The following BCKDHB variants were observed in gnomAD, a reference collection of about 807,000 sequenced individuals.
The protein encoded by BCKDHB is 2-oxoisovalerate dehydrogenase subunit beta, mitochondrial.
In BCKDHB, 41 loss-of-function variants were observed where a neutral mutation model predicts 48.5. That is an observed-to-expected ratio of 0.85 (90% CI 0.66 to 1.10). The LOEUF (loss-of-function observed/expected upper bound fraction) is 1.10. Ranked by LOEUF, BCKDHB falls within the 50% of genes least tolerant of loss-of-function variation. The pLI is 0.00. For synonymous variants in BCKDHB, 201 were observed against 174.8 expected, an observed-to-expected ratio of 1.15 and a Z score of -1.18; for missense variants, 496 against 494.2, an observed-to-expected ratio of 1.00 and a Z score of -0.03.
At position 80,240,104 on chromosome 6, in the gene BCKDHB, A is replaced by G. The variant is rs537579007; in HGVS notation, c.952-33031A>G. ...AATGTGGGCTCTTTTTTGGTTCCAT[A>G]TGAAGTTTAAAGTAGATTTTTTCCA... On this transcript the variant is annotated intron_variant, in intron 8 of 9. Coordinates refer to ENST00000320393, the MANE Select transcript of BCKDHB (RefSeq NM_183050.4). Among the ~76,000 whole-genome samples, 7 of 152,200 alleles carry G rather than the reference A, an allele frequency of 4.6e-5. No homozygotes were observed. In the South Asian group the frequency reaches 1.5e-3, roughly 32 times the overall value.
chr6:80,421,734 G>A, the BCKDHB span, among the ~76,000 whole-genome samples: 1 of 152,176 alleles, frequency 6.6e-6, no homozygotes, highest in African/African-American at 2.4e-5. Context: ...ACTTGAGAGA[G>A]ATGATTAGGG....
chr6:80,243,995 A>T (rs959308618), intron 8 of BCKDHB, among the ~76,000 whole-genome samples: 8 of 152,252 alleles, frequency 5.3e-5, no homozygotes, highest in Admixed American at 2.0e-4. Flanking sequence ...TAAACTGAAA[A>T]TAAGAAGCCA....
chr6:80,453,596 CT>C, the BCKDHB span, among the ~76,000 whole-genome samples: 1 of 152,140 alleles, frequency 6.6e-6, no homozygotes, highest in African/African-American at 2.4e-5. Flanking sequence ...ATTATGTCCC[CT>C]GTATCTATTT....
chr6:80,258,079 G>A (rs1049805606), intron 8 of BCKDHB, among the ~76,000 whole-genome samples: 47 of 151,860 alleles, frequency 3.1e-4, no homozygotes, highest in Admixed American at 6.6e-5. Flanking sequence ...CTTTAAATAC[G>A]CTGTACTATG....
In BCKDHB at chr6:80,148,490, T is replaced by C. The variant is rs558032198; in HGVS notation, c.344-19188T>C. ...GCTCTGCTGGTTTTACTTTGGGGTT[T>C]CTTTCACTATTGTTCCCATTGCCAC... On this transcript the variant is annotated intron_variant, in intron 3 of 9. Transcript: ENST00000320393. Among the ~76,000 whole-genome samples the C allele has an allele frequency of 5.3e-4, 80 of 152,254 alleles. No homozygotes were observed. In the South Asian group the frequency reaches 0.014, roughly 26 times the overall value.
chr6:80,418,820 G>A, the BCKDHB span, among the ~76,000 whole-genome samples: 39 of 152,178 alleles, frequency 2.6e-4, no homozygotes, highest in Non-Finnish European at 3.4e-4. Context: ...AGTGGGTGCC[G>A]GGGTTCCTGC....
At chr6:80,283,674 T>A (rs1304606068) in intron 9 of BCKDHB, among the ~76,000 whole-genome samples, 1 of 152,154 alleles carries the variant, frequency 6.6e-6, no homozygotes. Context: ...CCTTAAAAGT[T>A]GTAGTTTCCA....
chr6:80,396,410 G>A, the BCKDHB span, among the ~76,000 whole-genome samples: 93 of 152,326 alleles, frequency 6.1e-4, 1 homozygote, highest in African/African-American at 2.2e-3. Context: ...GAGACTTCTT[G>A]CCTTGTCCCA....
At chr6:80,363,110 C>T in the BCKDHB span, among the ~76,000 whole-genome samples, 1 of 152,084 alleles carries the variant, frequency 6.6e-6, no homozygotes, top group Non-Finnish European at 1.5e-5. Context: ...GGTAATTATT[C>T]TCTACCTAAA....
chr6:80,371,867 T>C, the BCKDHB span, among the ~76,000 whole-genome samples: 79,513 of 151,904 alleles, frequency 0.52, 21,279 homozygotes, highest in Non-Finnish European at 0.59. Flanking sequence ...AGTACCATGC[T>C]GTTTTGGTGA....
chr6:80,180,516 T>C (rs1002918264), intron 6 of BCKDHB, among the ~76,000 whole-genome samples: 1 of 152,230 alleles, frequency 6.6e-6, no homozygotes, highest in Non-Finnish European at 1.5e-5. Context: ...ATCAGTGATA[T>C]TGAATTAAAT....
At chr6:80,123,347 A>G (rs922019621) in intron 1 of BCKDHB, among the ~76,000 whole-genome samples, 11 of 152,206 alleles carry the variant, frequency 7.2e-5, no homozygotes, top group Non-Finnish European at 1.0e-4. Flanking sequence ...AAGAAATTAT[A>G]AAAGTATTAT....
intron 6 of BCKDHB, among the ~76,000 whole-genome samples, chr6:80,188,531 T>TG (rs1773752427): frequency 6.6e-6 from 1 of 151,954 alleles, no homozygotes; most frequent in Non-Finnish European, 1.5e-5. Flanking sequence ...GCCAGATTCT[T>TG]GCGAGGTTGA....
intron 9 of BCKDHB, among the ~76,000 whole-genome samples, chr6:80,340,760 C>T (rs967793061): frequency 1.2e-4 from 4 of 34,626 alleles, no homozygotes; most frequent in Non-Finnish European, 3.1e-4. Flanking sequence ...CAGTGGGATT[C>T]GGTATTTTTT....
At chr6:80,178,505 A>G (rs72908880) in intron 6 of BCKDHB, among the ~76,000 whole-genome samples, 18 of 152,304 alleles carry the variant, frequency 1.2e-4, no homozygotes, top group Non-Finnish European at 2.4e-4. Context: ...AACCCCCTCT[A>G]TTTACTCATA....
At chr6:80,180,810 A>G (rs1021389383) in intron 6 of BCKDHB, among the ~76,000 whole-genome samples, 5 of 152,176 alleles carry the variant, frequency 3.3e-5, no homozygotes, top group Non-Finnish European at 7.3e-5. Context: ...AATATTTTGT[A>G]TTTTACATTA....
chr6:80,333,555 T>C (rs1056642741), intron 9 of BCKDHB, among the ~76,000 whole-genome samples: 2 of 152,172 alleles, frequency 1.3e-5, no homozygotes, highest in African/African-American at 4.8e-5. Flanking sequence ...GTGCCAATTA[T>C]GCACGGAATT....
intron 9 of BCKDHB, among the ~76,000 whole-genome samples, chr6:80,323,885 G>C (rs1768879865): frequency 6.6e-6 from 1 of 152,114 alleles, no homozygotes; most frequent in Admixed American, 6.5e-5. Flanking sequence ...CCATTCTCCT[G>C]TCTCAGCCTC....
chr6:80,422,279 A>C, the BCKDHB span, among the ~76,000 whole-genome samples: 3 of 152,310 alleles, frequency 2.0e-5, no homozygotes, highest in African/African-American at 7.2e-5. Flanking sequence ...TGTGCAGAAG[A>C]CAAGAGTTGA....
Sources: gnomAD v4.1 joint callset for allele counts (sites outside exome capture counted in the v4.1 genomes callset) on GRCh38, gnomAD v4.1.1 for gene constraint, MANE v1.5 for transcripts, NCBI Gene and HGNC (gene_info 2026-07-23, HGNC 2026-07-21) for gene names.